The following ODR4 variants were observed in gnomAD, a reference collection of about 807,000 sequenced individuals.
The protein encoded by ODR4 is odr-4 GPCR localization factor homolog.
A neutral mutation model predicts 60.2 loss-of-function variants in ODR4; 47 were observed. The observed-to-expected ratio is 0.78, with a 90% CI of 0.62 to 1.00. The LOEUF (loss-of-function observed/expected upper bound fraction) is 1.00, where lower values mean the gene tolerates loss of function less well. ODR4 is among the 50% of genes least tolerant of loss of function. The probability of loss-of-function intolerance (pLI) is 0.00; values close to 1 mark genes in which losing one functional copy is unlikely to be tolerated. For synonymous variants in ODR4, 178 were observed against 175.5 expected (o/e 1.01, Z -0.11); for missense variants, 488 against 530.8 (o/e 0.92, Z 0.79).
rs193188452 is a variant in ODR4 at position 186,420,112 on chromosome 1, C to T, written c.*1036C>T. On this transcript the variant is annotated 3_prime_UTR_variant, in exon 14 of 14. Coordinates refer to ENST00000287859, the MANE Select transcript of ODR4 (RefSeq NM_017847.6). ...GGTTCACTGGAAGTAGGAGAATTTT[C>T]AAGAACCATACTTCGACATTTCCTC... 6.6e-6 allele frequency: 1 copy of T among 152,138 alleles called. No individual in the cohort carries two copies. Among genetic ancestry groups the T allele is most frequent in the African/African-American group, 2.4e-5 (1 of 41,412 alleles). The allele number at this position is 152,138 out of a possible 1,614,324, so 9.4% of individuals were successfully genotyped here. A position where few individuals can be genotyped will look rare whatever the true frequency, so the allele number is the denominator to read the frequency against.
chr1:186,433,739 C>T, the ODR4 span, among the ~76,000 whole-genome samples: 1 of 152,058 alleles, frequency 6.6e-6, no homozygotes, highest in Non-Finnish European at 1.5e-5. Flanking sequence ...TGCCACCACA[C>T]CTGGCTAATT....
At chr1:186,434,981 C>CT in the ODR4 span, among the ~76,000 whole-genome samples, 1 of 151,984 alleles carries the variant, frequency 6.6e-6, no homozygotes, top group African/African-American at 2.4e-5. Flanking sequence ...AGTGAACGCT[C>CT]TAAGAAATAA....
downstream of ODR4, among the ~76,000 whole-genome samples, chr1:186,424,067 A>AT (rs2102109789): frequency 6.6e-6 from 1 of 152,348 alleles, no homozygotes; most frequent in South Asian, 2.1e-4. Flanking sequence ...CTACCTCTAC[A>AT]TAAATGCCTT....
At chr1:186,396,796 C>CATATATTA (rs1350165356) in intron 9 of ODR4, among the ~76,000 whole-genome samples, 1 of 151,600 alleles carries the variant, frequency 6.6e-6, no homozygotes, top group Admixed American at 6.6e-5. Flanking sequence ...TTTACATATA[C>CATATATTA]TAATATATAA....
chr1:186,391,372 T>C (rs1485507582), intron 7 of ODR4, among the ~76,000 whole-genome samples: 4 of 151,690 alleles, frequency 2.6e-5, no homozygotes, highest in African/African-American at 9.7e-5. Context: ...TTTAGACTTA[T>C]TTGATGCTTT....
rs182780644 is a variant in ODR4 at position 186,399,850 on chromosome 1, C to T, written c.1000+806C>T. On this transcript the variant is annotated intron_variant, in intron 11 of 13. Transcript: ENST00000287859. Reference sequence around the variant, plus strand: ...GTTACAGTATCTTACCCATTAATAACGATTGCAGCTTTTGGGAAACATAAC... The same window carrying T: ...GTTACAGTATCTTACCCATTAATAATGATTGCAGCTTTTGGGAAACATAAC... Among the ~76,000 whole-genome samples, 32 of 152,116 alleles carry T rather than the reference C, an allele frequency of 2.1e-4. No homozygotes were observed. The East Asian group carries it at 4.8e-3, about 23-fold the overall frequency.
chr1:186,378,689 T>A (rs1659893456), intron 1 of ODR4, among the ~76,000 whole-genome samples: 1 of 152,200 alleles, frequency 6.6e-6, no homozygotes, highest in Non-Finnish European at 1.5e-5. Flanking sequence ...GTCCCTCCTT[T>A]GCCACTTACC....
At chr1:186,393,007 A>C (rs1215360372) in intron 8 of ODR4, among the ~76,000 whole-genome samples, 1 of 152,186 alleles carries the variant, frequency 6.6e-6, no homozygotes, top group African/African-American at 2.4e-5. Context: ...CTCCATTTCA[A>C]AATAAAAGAA....
intron 3 of ODR4, among the ~76,000 whole-genome samples, chr1:186,383,464 G>A (rs1660118369): frequency 6.6e-6 from 1 of 152,050 alleles, no homozygotes; most frequent in Admixed American, 6.5e-5. Flanking sequence ...TTCTGGGGTT[G>A]GGGGTGAGGG....
At chr1:186,378,543 T>C (rs1659882536) in intron 1 of ODR4, among the ~76,000 whole-genome samples, 1 of 152,186 alleles carries the variant, frequency 6.6e-6, no homozygotes, top group Admixed American at 6.5e-5. Context: ...TATACTGACT[T>C]CCATCCACAG....
At chr1:186,423,833 C>T (rs963415765), downstream of ODR4, among the ~76,000 whole-genome samples, 2 of 152,078 alleles carry the variant, frequency 1.3e-5, no homozygotes, top group African/African-American at 4.8e-5. Context: ...TGACTGAACA[C>T]ATGAAAAGAA....
At chr1:186,403,496 T>A (rs2102067406) in intron 11 of ODR4, among the ~76,000 whole-genome samples, 1 of 152,202 alleles carries the variant, frequency 6.6e-6, no homozygotes, top group Middle Eastern at 3.4e-3. Context: ...GATGCTGTAA[T>A]ATAGTAAAAT....
At chr1:186,389,026 G>A (rs754697335) in intron 5 of ODR4, among the ~76,000 whole-genome samples, 11 of 152,022 alleles carry the variant, frequency 7.2e-5, no homozygotes, top group Non-Finnish European at 1.5e-4. Flanking sequence ...CCAGTTACAC[G>A]GCCTCTTACC....
intron 11 of ODR4, 69 bp downstream of exon 11, chr1:186,399,113 G>A (rs548451008): frequency 2.1e-6 from 2 of 946,810 alleles, no homozygotes; most frequent in Admixed American, 4.0e-5. Flanking sequence ...TCAAGATATA[G>A]CAGATACGTC....
intron 9 of ODR4, among the ~76,000 whole-genome samples, chr1:186,394,824 G>A (rs1265599924): frequency 6.6e-6 from 1 of 152,194 alleles, no homozygotes; most frequent in Non-Finnish European, 1.5e-5. Context: ...CACTCAATGT[G>A]AGTTCTCAAT....
intron 8 of ODR4, 138 bp downstream of exon 8, chr1:186,391,929 C>A: frequency 1.6e-6 from 1 of 617,000 alleles, no homozygotes; most frequent in Non-Finnish European, 2.8e-6. Context: ...AAGTAAAAGG[C>A]AAATGTTTTT....
intron 2 of ODR4, among the ~76,000 whole-genome samples, chr1:186,382,206 C>T (rs1660061871): frequency 6.7e-6 from 1 of 148,450 alleles, no homozygotes; most frequent in Non-Finnish European, 1.5e-5. Flanking sequence ...CAGAGTTTGA[C>T]CTAGCCTGGG....
At chr1:186,398,529 A>G in intron 10 of ODR4, 88 bp downstream of exon 10, 2 of 1,286,262 alleles carry the variant, frequency 1.6e-6, no homozygotes, top group Non-Finnish European at 1.0e-6. Flanking sequence ...TATATTTTGT[A>G]ATTATTAATT....
chr1:186,379,522 A>AAAGGTTTG (rs1659941244), intron 1 of ODR4, among the ~76,000 whole-genome samples: 1 of 152,028 alleles, frequency 6.6e-6, no homozygotes, highest in Non-Finnish European at 1.5e-5. Flanking sequence ...GGTATGAGTA[A>AAAGGTTTG]AAGGTTTGAT....
Sources: allele counts gnomAD v4.1 joint callset (sites outside exome capture counted in the v4.1 genomes callset), GRCh38; gene constraint gnomAD v4.1.1; transcripts MANE v1.5; gene names NCBI Gene and HGNC (gene_info 2026-07-23, HGNC 2026-07-21).